TANGO6: variants seen among roughly 807,000 people sequenced by gnomAD.
The protein encoded by TANGO6 is transport and golgi organization 6 homolog.
TANGO6 carries 90 observed loss-of-function variants against 114.2 expected under a neutral mutation model. The ratio of observed to expected loss-of-function variants is 0.79; its 90% CI spans 0.66 to 0.94. TANGO6 has a LOEUF of 0.94. TANGO6 is among the 40% of genes least tolerant of loss of function. The pLI is 0.00. For missense variants in TANGO6, 1,274 were observed against 1,315.3 expected (o/e 0.97, Z 0.49); for synonymous variants, 477 against 509.8 (o/e 0.94, Z 0.87).
At chr16:68,957,920 C>T (rs979789979) in intron 14 of TANGO6, among the ~76,000 whole-genome samples, 7 of 151,894 alleles carry the variant, frequency 4.6e-5, no homozygotes, top group Admixed American at 2.0e-4. Context: ...ACCTGTAATC[C>T]CAACACTTTG....
chr16:69,012,659 C>CT (rs1964154679), intron 15 of TANGO6, among the ~76,000 whole-genome samples: 1 of 149,072 alleles, frequency 6.7e-6, no homozygotes, highest in African/African-American at 2.5e-5. Context: ...GCCTCTTCAT[C>CT]TAAATGTTGT....
intron 10 of TANGO6, among the ~76,000 whole-genome samples, chr16:68,908,727 G>A (rs1962884801): frequency 6.6e-6 from 1 of 152,174 alleles, no homozygotes; most frequent in Non-Finnish European, 1.5e-5. Context: ...TAGTGCTGGA[G>A]GCATCTCATG....
intron 7 of TANGO6, among the ~76,000 whole-genome samples, chr16:68,892,771 TCCC>T (rs1962643783): frequency 6.6e-6 from 1 of 152,148 alleles, no homozygotes; most frequent in African/African-American, 2.4e-5. Context: ...CGCCTTGGCC[TCCC>T]AAAGTGCTGG....
intron 15 of TANGO6, among the ~76,000 whole-genome samples, chr16:69,001,991 A>G (rs1964049178): frequency 6.6e-6 from 1 of 152,134 alleles, no homozygotes; most frequent in Non-Finnish European, 1.5e-5. Flanking sequence ...ATAATTTCTG[A>G]TACCCCCAAA....
At chr16:68,948,769 C>T (rs1349584246) in intron 14 of TANGO6, among the ~76,000 whole-genome samples, 1 of 152,220 alleles carries the variant, frequency 6.6e-6, no homozygotes, top group Non-Finnish European at 1.5e-5. Context: ...TCATCTTTCA[C>T]ATGGACTGTG....
At chr16:68,994,271 ACT>A (rs1391602619) in intron 15 of TANGO6, among the ~76,000 whole-genome samples, 1 of 152,126 alleles carries the variant, frequency 6.6e-6, no homozygotes, top group Admixed American at 6.6e-5. Flanking sequence ...TTTGCACATC[ACT>A]CTGTTTTCTG....
At chr16:68,990,362 T>A (rs1342488863) in intron 15 of TANGO6, among the ~76,000 whole-genome samples, 1 of 152,010 alleles carries the variant, frequency 6.6e-6, no homozygotes, top group African/African-American at 2.4e-5. Context: ...TGGTGGCAGG[T>A]AAAGAGAGAA....
chr16:69,008,418 G>A (rs545851938), intron 15 of TANGO6, among the ~76,000 whole-genome samples: 2 of 152,214 alleles, frequency 1.3e-5, no homozygotes, highest in Admixed American at 6.5e-5. Context: ...TTTTTGTACA[G>A]CCGAGATCTT....
At chr16:69,056,265 AT>A (rs1184505666) in intron 17 of TANGO6, among the ~76,000 whole-genome samples, 2 of 152,068 alleles carry the variant, frequency 1.3e-5, no homozygotes, top group Non-Finnish European at 2.9e-5. Context: ...TCTGCATCAG[AT>A]TTACAATATT....
chr16:69,062,360 C>G (rs1960130718), intron 17 of TANGO6, among the ~76,000 whole-genome samples: 1 of 152,128 alleles, frequency 6.6e-6, no homozygotes, highest in South Asian at 2.1e-4. Context: ...AGTGTTTTTG[C>G]CTACCATCCT....
In TANGO6 at chr16:68,927,660, C is replaced by G. The variant is rs369216490; in HGVS notation, c.2220C>G (p.Leu740=). Residue 740 remains leucine, a synonymous_variant, in exon 13 of 18, where the codon CTC becomes CTG. Transcript: ENST00000261778. The part of the protein sequence containing the change: ...NTYPDPVIQE[L]AVDLRITIST... ...ACCCTGATCCGGTCATCCAAGAACT[C>G]GCTGTTGATCTCCGCATCACCATCT... The G allele has an allele frequency of 6.2e-6, 10 of 1,613,884 alleles. No homozygotes were observed. The highest frequency in any genetic ancestry group is 1.7e-5 in the Admixed American group (1 of 59,986).
At chr16:68,906,891 T>G (rs962343732) in intron 9 of TANGO6, among the ~76,000 whole-genome samples, 1 of 151,790 alleles carries the variant, frequency 6.6e-6, no homozygotes, top group African/African-American at 2.4e-5. Context: ...CCTCCTGGGT[T>G]CAAGCGATTC....
At chr16:69,035,061 T>C (rs1159578400) in intron 16 of TANGO6, 1 of 152,154 alleles carries the variant, frequency 6.6e-6, no homozygotes, top group Non-Finnish European at 1.5e-5. Flanking sequence ...CCTTTTAACA[T>C]GGTGCCCAGA....
intron 17 of TANGO6, among the ~76,000 whole-genome samples, chr16:69,062,109 T>A (rs530010001): frequency 1.3e-5 from 2 of 152,202 alleles, no homozygotes; most frequent in Non-Finnish European, 2.9e-5. Context: ...TAAGAACAAA[T>A]TTTTAAAAAT....
chr16:68,955,537 T>C (rs1719166431), intron 14 of TANGO6, among the ~76,000 whole-genome samples: 1 of 152,228 alleles, frequency 6.6e-6, no homozygotes, highest in Admixed American at 6.5e-5. Context: ...GCAGCACTTA[T>C]TAAGATGCTG....
chr16:69,030,121 A>G (rs1959571519), intron 16 of TANGO6, among the ~76,000 whole-genome samples: 1 of 151,648 alleles, frequency 6.6e-6, no homozygotes, highest in African/African-American at 2.4e-5. Flanking sequence ...AAAAAAAAAA[A>G]AAAAAAGGGA....
At chr16:68,883,744 A>C (rs1483719467) in intron 7 of TANGO6, among the ~76,000 whole-genome samples, 1 of 152,218 alleles carries the variant, frequency 6.6e-6, no homozygotes, top group African/African-American at 2.4e-5. Context: ...ACTGTTGTCC[A>C]AAGTGACCGC....
chr16:68,850,506 T>C (rs1961884436), intron 1 of TANGO6, among the ~76,000 whole-genome samples: 1 of 152,198 alleles, frequency 6.6e-6, no homozygotes, highest in South Asian at 2.1e-4. Flanking sequence ...ACCCACTGTT[T>C]AAGGGGTTTT....
chr16:68,969,109 T>G (rs899659641), intron 14 of TANGO6, among the ~76,000 whole-genome samples: 1 of 152,202 alleles, frequency 6.6e-6, no homozygotes, highest in African/African-American at 2.4e-5. Flanking sequence ...CACCACATCC[T>G]AAAATGCATA....
Sources: allele counts gnomAD v4.1 joint callset (sites outside exome capture counted in the v4.1 genomes callset), GRCh38; gene constraint gnomAD v4.1.1; transcripts MANE v1.5; gene names NCBI Gene and HGNC (gene_info 2026-07-23, HGNC 2026-07-21).